MAP4K2: variants seen among roughly 807,000 people sequenced by gnomAD.
The protein encoded by MAP4K2 is B lymphocyte serine/threonine protein kinase.
A neutral mutation model predicts 125.3 loss-of-function variants in MAP4K2; 85 were observed. That is an observed-to-expected ratio of 0.68 (90% CI 0.57 to 0.81). The LOEUF is 0.81. Ranked by LOEUF, MAP4K2 falls within the 40% of genes least tolerant of loss-of-function variation. MAP4K2 has a pLI of 0.00. For missense variants in MAP4K2, 923 were observed against 1,056.4 expected, an observed-to-expected ratio of 0.87 and a Z score of 1.75; for synonymous variants, 479 against 445.1, an observed-to-expected ratio of 1.08 and a Z score of -0.96.
At chr11:64,801,275 T>A in intron 7 of MAP4K2, 92 bp from the exon 8 acceptor site, 1 of 1,471,074 alleles carries the variant, frequency 6.8e-7, no homozygotes, top group Non-Finnish European at 9.3e-7. Flanking sequence ...CTGGCAGGGC[T>A]CAGACGGGCA....
chr11:64,787,699 C>G lies in MAP4K2; in HGVS notation c.*1838G>C, dbSNP rs1191316327. ...GGCCCCCACTTTGGCAGTTTACACT[C>G]TGCAGTCCAAACCCCGTTTCCAGAC... On this transcript the variant is annotated 3_prime_UTR_variant, in exon 32 of 32. Transcript: ENST00000294066. The G allele has an allele frequency of 6.6e-6, 1 of 152,226 alleles. No individual in the cohort carries two copies. The highest frequency in any genetic ancestry group is 6.5e-5 in the Admixed American group (1 of 15,290). 9.4% of individuals were successfully genotyped at this position (152,226 alleles called of 1,614,324 possible). A position where few individuals can be genotyped will look rare whatever the true frequency, so the allele number is the denominator to read the frequency against.
At position 64,789,591 on chromosome 11, in the gene MAP4K2, G is replaced by C; in HGVS notation, c.2409C>G (p.Asn803Lys). 6.2e-7 allele frequency: 1 copy of C among 1,606,920 alleles called. No homozygotes were observed. The highest frequency in any genetic ancestry group is 8.5e-7 in the Non-Finnish European group (1 of 1,176,770). The change falls in exon 32 of 32, where the codon AAC (asparagine) becomes AAG (lysine). Residue 803 changes from asparagine to lysine, a missense_variant. Around this residue, in one of 2 missense-constraint regions of MAP4K2, gnomAD observed 90 missense variants for 144.9 expected, o/e 0.62. Coordinates refer to ENST00000294066, the MANE Select transcript of MAP4K2 (RefSeq NM_004579.5). ...DIILESIPTD[N>K]PEAHSNLYIL... The stretch of plus-strand genomic sequence containing the variant: ...TGTAGAGGTTGCTGTGCGCCTCTGG[G>C]TTGTCAGTGGGAATGCTCTCCAGGA...
At chr11:64,795,385 T>C (rs1190385893) in intron 24 of MAP4K2, among the ~76,000 whole-genome samples, 6 of 151,750 alleles carry the variant, frequency 4.0e-5, no homozygotes, top group Non-Finnish European at 7.4e-5. Context: ...CCTGGCCCCA[T>C]TTTTTGATTT....
rs1326451958 is a variant in MAP4K2 at position 64,796,911 on chromosome 11, G to A, written c.1408-18C>T. On this transcript the variant is annotated intron_variant, in intron 20 of 31. Coordinates refer to ENST00000294066, the MANE Select transcript of MAP4K2 (RefSeq NM_004579.5). ...GCGCCCATCTGCAGAGGAGGCAAGA[G>A]GCTGGCGAGGGAGTGCAGGGGTGGT... 6.2e-7 allele frequency: 1 copy of A among 1,613,876 alleles called. No homozygotes were observed. Among genetic ancestry groups the A allele is most frequent in the East Asian group, 2.2e-5 (1 of 44,896 alleles).
At position 64,792,387 on chromosome 11, in the gene MAP4K2, T is replaced by G. The variant is rs1167429932; in HGVS notation, c.1787A>C (p.Lys596Thr). 1 of 1,474,606 alleles carries G rather than the reference T, an allele frequency of 6.8e-7. No individual in the cohort carries two copies. The highest frequency in any genetic ancestry group is 2.0e-5 in the Admixed American group (1 of 50,440). 91.3% of individuals were successfully genotyped at this position (1,474,606 alleles called of 1,614,324 possible). A position where few individuals can be genotyped will look rare whatever the true frequency, so the allele number is the denominator to read the frequency against. ...FALSTKIPDT[K>T]GCLQCRVVRN... ...ACCCACACGACACTGCAAGCAGCCT[T>G]TGGTGTCAGGAATCTTGGTGGACAG... The change falls in exon 25 of 32, where the codon AAA becomes ACA. Residue 596 changes from lysine (K) to threonine (T), a missense_variant. This residue lies in a region of MAP4K2 where 833 missense variants were observed against 911.4 expected (regional missense o/e 0.91). Transcript: ENST00000294066.
At chr11:64,800,688 G>A (rs944848499) in intron 10 of MAP4K2, 76 bp downstream of exon 10, 46 of 1,537,008 alleles carry the variant, frequency 3.0e-5, no homozygotes, top group African/African-American at 2.9e-4. Flanking sequence ...GTTGCCCCCC[G>A]GGAGTTGGCA....
In MAP4K2 at chr11:64,791,894, G is replaced by T. The variant is rs772589325; in HGVS notation, c.2092+15C>A. The T allele has an allele frequency of 2.0e-5, 31 of 1,551,452 alleles. No homozygotes were observed. Among genetic ancestry groups the T allele is most frequent in the Non-Finnish European group, 2.7e-5 (31 of 1,144,606 alleles). On this transcript the variant is annotated intron_variant, in intron 27 of 31. Transcript: ENST00000294066. ...CACACACACCCACCCCCAGCAGCCT[G>T]GCCCTTCTGCTCACCAGGTGGGATG...
At chr11:64,792,823 C>T (rs1049916081) in intron 24 of MAP4K2, among the ~76,000 whole-genome samples, 8 of 152,154 alleles carry the variant, frequency 5.3e-5, no homozygotes, top group South Asian at 4.1e-4. Context: ...TGCTGGGAAT[C>T]GTGTGTGCTC....
At chr11:64,798,986 G>A in intron 14 of MAP4K2, 149 bp from the exon 15 acceptor site, 1 of 708,120 alleles carries the variant, frequency 1.4e-6, no homozygotes, top group Admixed American at 2.7e-5. Context: ...GAGACAGACA[G>A]TGGGAGGCAG....
chr11:64,784,919 GAATGTT>G lies in MAP4K2; in HGVS notation c.*4612_*4617del, dbSNP rs1306559877. ...ATATATCCAACAAAGACAGGTACAT[GAATGTT>G]TATAGCAGCTTTATTTGTAATAGTT... is the stretch of plus-strand genomic sequence containing the variant. On this transcript the variant is annotated 3_prime_UTR_variant, in exon 32 of 32. Transcript: ENST00000294066. 6.6e-6 allele frequency: 1 copy of G among 152,108 alleles called. No individual in the cohort carries two copies. Among genetic ancestry groups the G allele is most frequent in the Non-Finnish European group, 1.5e-5 (1 of 68,040 alleles). 9.4% of individuals were successfully genotyped at this position (152,108 alleles called of 1,614,324 possible).
In MAP4K2 at chr11:64,801,741, T is replaced by C; in HGVS notation, c.383A>G (p.His128Arg). The C allele has an allele frequency of 1.2e-6, 2 of 1,613,624 alleles. No individual in the cohort carries two copies. Among genetic ancestry groups the C allele is most frequent in the South Asian group, 1.1e-5 (1 of 91,086 alleles). ...GTCTCTGTGGATCTTCCCCTGAGAA[T>C]GCAGGTGGTGGAGCCCCTGGCGACA... ...REALKGLHHL[H>R]SQGKIHRDIK... Residue 128 changes from histidine (H) to arginine (R), a missense_variant, in exon 6 of 32, where the codon CAT becomes CGT. His to Arg is a conservative substitution (Grantham distance 29, BLOSUM62 0). Coordinates refer to ENST00000294066, the MANE Select transcript of MAP4K2 (RefSeq NM_004579.5).
In MAP4K2 at chr11:64,801,782, G is replaced by C. The variant is rs536654791; in HGVS notation, c.367-25C>G. Reference sequence around the variant, plus strand: ...CCTGGCGACAAAGAGGAGTCCCTGAGAGCAGCCACCCAGCACTGTCCCACC... The same window carrying C: ...CCTGGCGACAAAGAGGAGTCCCTGACAGCAGCCACCCAGCACTGTCCCACC... On this transcript the variant is annotated intron_variant, in intron 5 of 31. Coordinates refer to ENST00000294066, the MANE Select transcript of MAP4K2 (RefSeq NM_004579.5). The C allele has an allele frequency of 1.9e-6, 3 of 1,610,932 alleles. No homozygotes were observed. The African/African-American group carries it at 4.0e-5, about 22-fold the overall frequency.
chr11:64,803,032 T>A, intron 1 of MAP4K2, 22 bp downstream of exon 1: 1 of 1,596,652 alleles, frequency 6.3e-7, no homozygotes, highest in African/African-American at 1.4e-5. Context: ...TCCTCCCGGC[T>A]CTCCCGCCCG....
intron 12 of MAP4K2, among the ~76,000 whole-genome samples, chr11:64,799,891 C>T (rs533880941): frequency 9.2e-5 from 14 of 152,272 alleles, no homozygotes; most frequent in African/African-American, 3.4e-4. Flanking sequence ...ATGGCACAGT[C>T]GTGGTCATGG....
Position 64,797,189 on chromosome 11 carries a change from G to C in MAP4K2, c.1280C>G (p.Thr427Ser), listed in dbSNP as rs372451624. 2 of 1,613,266 alleles carry C rather than the reference G, an allele frequency of 1.2e-6. No individual in the cohort carries two copies. The highest frequency in any genetic ancestry group is 1.7e-6 in the Non-Finnish European group (2 of 1,179,736). Residue 427 changes from threonine to serine, a missense_variant, in exon 19 of 32, where the codon ACC becomes AGC. This residue lies in a region of MAP4K2 where 833 missense variants were observed against 911.4 expected (regional missense o/e 0.91). Transcript: ENST00000294066. ...AEEPLSSPPGTLPPPPSGPNS... is the reference protein window; with the variant it reads ...AEEPLSSPPGSLPPPPSGPNS... Reference sequence around the variant, plus strand: ...GGGGCCTGAAGGAGGTGGGGGCAGGGTTCCTGCAGGCACAGGCGTGCTGTA... The same window carrying C: ...GGGGCCTGAAGGAGGTGGGGGCAGGCTTCCTGCAGGCACAGGCGTGCTGTA...
At position 64,788,851 on chromosome 11, in the gene MAP4K2, G is replaced by A. The variant is rs752810493; in HGVS notation, c.*686C>T. The A allele has an allele frequency of 6.6e-5, 10 of 152,494 alleles. No individual in the cohort carries two copies. The East Asian group carries it at 1.9e-3, about 29-fold the overall frequency. The allele number at this position is 152,494 out of a possible 1,614,324, so 9.4% of individuals were successfully genotyped here. On this transcript the variant is annotated 3_prime_UTR_variant, in exon 32 of 32. Transcript: ENST00000294066. ...CGTGGGGCAAGGGTGCCCTGGATGA[G>A]AGTCCCTTTGTTGAGGTCCCCCCAT... is the stretch of plus-strand genomic sequence containing the variant.
chr11:64,787,660 A>G lies in MAP4K2; in HGVS notation c.*1877T>C, dbSNP rs1170787608. 1 of 152,186 alleles carries G rather than the reference A, an allele frequency of 6.6e-6. No homozygotes were observed. Among genetic ancestry groups the G allele is most frequent in the Non-Finnish European group, 1.5e-5 (1 of 68,024 alleles). The allele number at this position is 152,186 out of a possible 1,614,324, so 9.4% of individuals were successfully genotyped here. On this transcript the variant is annotated 3_prime_UTR_variant, in exon 32 of 32. Coordinates refer to ENST00000294066, the MANE Select transcript of MAP4K2 (RefSeq NM_004579.5). ...TCTTGGCCTGCCTTTGCTGGCAGCA[A>G]GCGTTTTATGGGAGGCCCCCACTTT...
rs371357816 is a variant in MAP4K2 at position 64,801,616 on chromosome 11, G to A, written c.420C>T (p.Ala140=). Residue 140 remains alanine (A), a synonymous_variant, in exon 7 of 32, where the codon GCC becomes GCT. Coordinates refer to ENST00000294066, the MANE Select transcript of MAP4K2 (RefSeq NM_004579.5). ...QGKIHRDIKG[A]NLLLTLQGDV... ...CTCCCTGGAGAGTGAGGAGAAGGTT[G>A]GCTCCCTGTGGGAATGGAGGAGAGA... The A allele has an allele frequency of 1.9e-6, 3 of 1,614,010 alleles. No homozygotes were observed. Among genetic ancestry groups the A allele is most frequent in the Non-Finnish European group, 1.7e-6 (2 of 1,179,956 alleles).
Position 64,800,092 on chromosome 11 carries a change from C to G in MAP4K2, c.915+17G>C. The G allele has an allele frequency of 6.4e-7, 1 of 1,571,252 alleles. No individual in the cohort carries two copies. The highest frequency in any genetic ancestry group is 2.3e-5 in the East Asian group (1 of 43,044). On this transcript the variant is annotated intron_variant, in intron 12 of 31. Transcript: ENST00000294066. ...GCAGACCAGCCCAAGACTCACTTTC[C>G]AGCCCCCCTCACCTACCTCCAGCTC...
Sources: gnomAD v4.1 joint callset for allele counts (sites outside exome capture counted in the v4.1 genomes callset) on GRCh38, gnomAD v4.1.1 for gene constraint, gnomAD v4.1.1 regional missense constraint, MANE v1.5 for transcripts, NCBI Gene and HGNC (gene_info 2026-07-23, HGNC 2026-07-21) for gene names.